The following TCF4 variants were observed in gnomAD, a reference collection of about 807,000 sequenced individuals.
The protein encoded by TCF4 is SL3-3 enhancer factor 2.
TCF4 carries 3 observed loss-of-function variants against 82.1 expected under a neutral mutation model. That is an observed-to-expected ratio of 0.04 (90% CI 0.02 to 0.09). TCF4 has a LOEUF of 0.09. Among genes scored for constraint, TCF4 ranks in the 10% least tolerant of loss-of-function variants. The pLI, the probability that TCF4 is intolerant of heterozygous loss-of-function variation, is 1.00. For missense variants in TCF4, 518 were observed against 852.7 expected (o/e 0.61, Z 4.89); for synonymous variants, 276 against 309.6 (o/e 0.89, Z 1.14).
At chr18:55,351,502 A>C (rs2082313011) in intron 6 of TCF4, among the ~76,000 whole-genome samples, 2 of 152,040 alleles carry the variant, frequency 1.3e-5, no homozygotes, top group South Asian at 4.1e-4. Context: ...CTGACATAGC[A>C]CCCACAGAAG....
chr18:55,392,320 T>G (rs1275303534), intron 6 of TCF4, among the ~76,000 whole-genome samples: 1 of 151,846 alleles, frequency 6.6e-6, no homozygotes, highest in Non-Finnish European at 1.5e-5. Flanking sequence ...TGACTGGTTG[T>G]CAATACTGCT....
intron 2 of TCF4, among the ~76,000 whole-genome samples, chr18:55,622,783 C>T (rs555735350): frequency 1.1e-4 from 17 of 152,068 alleles, no homozygotes; most frequent in African/African-American, 3.1e-4. Context: ...CTTTCAGTTC[C>T]GGCAAATACT....
chr18:55,529,133 G>A (rs1309023532), intron 3 of TCF4, among the ~76,000 whole-genome samples: 1 of 152,144 alleles, frequency 6.6e-6, no homozygotes, highest in Non-Finnish European at 1.5e-5. Flanking sequence ...AGCCAAGATC[G>A]TGCCATTGCA....
chr18:55,234,749 C>CCAAGA, intron 15 of TCF4, 66 bp from the exon 16 acceptor site: 2 of 1,610,988 alleles, frequency 1.2e-6, no homozygotes, highest in Non-Finnish European at 1.7e-6. Flanking sequence ...TTTCCAGAGG[C>CCAAGA]CAAGAGGACC....
chr18:55,529,793 T>TAGC (rs2097037691), intron 3 of TCF4, among the ~76,000 whole-genome samples: 1 of 152,160 alleles, frequency 6.6e-6, no homozygotes, highest in African/African-American at 2.4e-5. Context: ...AGCCTGTCAC[T>TAGC]AGCACACCAT....
chr18:55,233,587 G>A (rs930925106), intron 16 of TCF4, among the ~76,000 whole-genome samples: 1 of 152,068 alleles, frequency 6.6e-6, no homozygotes, highest in Non-Finnish European at 1.5e-5. Flanking sequence ...AGGCTGAGGC[G>A]GGTGCATCAC....
At chr18:55,313,889 G>A (rs1411547208) in intron 8 of TCF4, among the ~76,000 whole-genome samples, 1 of 152,018 alleles carries the variant, frequency 6.6e-6, no homozygotes. Context: ...AAAATTTAAA[G>A]TATTTTCATC....
In TCF4 at chr18:55,226,998, G is replaced by C. The variant is rs1362386011; in HGVS notation, c.*1037C>G. ...TTGTACCTCTGAAAATCCCAGAATA[G>C]GTTCACAAACGCAACATTACAATTC... On this transcript the variant is annotated 3_prime_UTR_variant, in exon 20 of 20. Coordinates refer to ENST00000354452, the MANE Select transcript of TCF4 (RefSeq NM_001083962.2). The C allele has an allele frequency of 6.6e-6, 1 of 152,498 alleles. No individual in the cohort carries two copies. The highest frequency in any genetic ancestry group is 1.5e-5 in the Non-Finnish European group (1 of 68,010). The allele number at this position is 152,498 out of a possible 1,614,324, so 9.4% of individuals were successfully genotyped here. A position where few individuals can be genotyped will look rare whatever the true frequency, so the allele number is the denominator to read the frequency against.
intron 5 of TCF4, among the ~76,000 whole-genome samples, chr18:55,409,520 T>C (rs1411700531): frequency 6.6e-6 from 1 of 152,140 alleles, no homozygotes; most frequent in Non-Finnish European, 1.5e-5. Flanking sequence ...AATTTAGTTT[T>C]ATACAATGTT....
intron 2 of TCF4, among the ~76,000 whole-genome samples, chr18:55,614,235 C>A (rs376207269): frequency 6.6e-6 from 1 of 152,118 alleles, no homozygotes; most frequent in Non-Finnish European, 1.5e-5. Flanking sequence ...CATTTGTACA[C>A]GAGTCTTTGT....
At chr18:55,267,474 T>A (rs1255005998) in intron 11 of TCF4, 2 of 152,064 alleles carry the variant, frequency 1.3e-5, no homozygotes, top group Admixed American at 1.3e-4. Flanking sequence ...CTAAGAGAAC[T>A]TAAGTGTGAA....
intron 1 of TCF4, 71 bp downstream of exon 1, chr18:55,587,967 G>A: frequency 1.0e-6 from 1 of 963,962 alleles, no homozygotes; most frequent in African/African-American, 1.8e-5. Context: ...CCGCGTGCGG[G>A]GCCGCCGAGC....
chr18:55,510,527 A>G, intron 3 of TCF4: 1 of 1,353,024 alleles, frequency 7.4e-7, no homozygotes, highest in Non-Finnish European at 9.9e-7. Context: ...CGATAGATCA[A>G]ACATTTTAAT....
At chr18:55,287,533 G>A (rs1308229210) in intron 8 of TCF4, among the ~76,000 whole-genome samples, 1 of 152,164 alleles carries the variant, frequency 6.6e-6, no homozygotes, top group African/African-American at 2.4e-5. Flanking sequence ...TTACAGAACG[G>A]AAAAATGTCA....
Position 55,279,582 on chromosome 18 carries a change from G to T in TCF4, c.624C>A (p.Thr208=), listed in dbSNP as rs370453680. The T allele has an allele frequency of 6.2e-7, 1 of 1,613,930 alleles. No homozygotes were observed. Among genetic ancestry groups the T allele is most frequent in the South Asian group, 1.1e-5 (1 of 91,078 alleles). Residue 208 remains threonine (T), a synonymous_variant, in exon 9 of 20, where the codon ACC becomes ACA. Transcript: ENST00000354452. Reference sequence around the variant, plus strand: ...TGAAGAAGGAGCTAGGGAAAGTGCTGGTTGCTGGTTTGGAGGAAGGATAGC... The same window carrying T: ...TGAAGAAGGAGCTAGGGAAAGTGCTTGTTGCTGGTTTGGAGGAAGGATAGC... ...SPGYPSSKPA[T]STFPSSFFMQ... is the part of the protein sequence containing the mutation.
chr18:55,375,103 G>A (rs1214844807), intron 6 of TCF4, among the ~76,000 whole-genome samples: 2 of 151,386 alleles, frequency 1.3e-5, no homozygotes, highest in Non-Finnish European at 2.9e-5. Flanking sequence ...TAGATAAGAC[G>A]GGATACAAGG....
intron 1 of TCF4, among the ~76,000 whole-genome samples, chr18:55,634,660 G>A (rs1345431114): frequency 6.6e-6 from 1 of 152,162 alleles, no homozygotes; most frequent in Admixed American, 6.6e-5. Context: ...TGAGTCACAT[G>A]ATTGCAATTT....
intron 5 of TCF4, among the ~76,000 whole-genome samples, chr18:55,423,842 G>A (rs1414494614): frequency 6.6e-6 from 1 of 152,042 alleles, no homozygotes; most frequent in African/African-American, 2.4e-5. Flanking sequence ...CTTCATAATC[G>A]CCCTGTCTTT....
intron 2 of TCF4, among the ~76,000 whole-genome samples, chr18:55,604,176 C>T (rs898246764): frequency 6.6e-6 from 1 of 152,090 alleles, no homozygotes; most frequent in African/African-American, 2.4e-5. Context: ...ATAGATTCTG[C>T]ACACAAATAT....
Sources: gnomAD v4.1 joint callset for allele counts (sites outside exome capture counted in the v4.1 genomes callset) on GRCh38, gnomAD v4.1.1 for gene constraint, MANE v1.5 for transcripts, NCBI Gene and HGNC (gene_info 2026-07-23, HGNC 2026-07-21) for gene names.